The following EPHA3 variants were observed in gnomAD, a reference collection of about 807,000 sequenced individuals.
EPHA3 encodes the protein EPH receptor A3.
A neutral mutation model predicts 107.1 loss-of-function variants in EPHA3; 42 were observed. That is an observed-to-expected ratio of 0.39 (90% CI 0.31 to 0.51). The LOEUF is 0.51. Ranked by LOEUF, EPHA3 falls within the 20% of genes least tolerant of loss-of-function variation. The pLI is 0.78. For missense variants in EPHA3, 1,183 were observed against 1,211.2 expected, an observed-to-expected ratio of 0.98 and a Z score of 0.35; for synonymous variants, 461 against 424.8, an observed-to-expected ratio of 1.09 and a Z score of -1.05.
chr3:89,353,975 A>G (rs1397415534), intron 5 of EPHA3, among the ~76,000 whole-genome samples: 1 of 151,384 alleles, frequency 6.6e-6, no homozygotes, highest in Non-Finnish European at 1.5e-5. Context: ...CACTAGAAAA[A>G]GAATATTAAT....
chr3:89,118,992 A>G (rs977072738), intron 1 of EPHA3, among the ~76,000 whole-genome samples: 11 of 152,088 alleles, frequency 7.2e-5, no homozygotes, highest in African/African-American at 2.6e-4. Context: ...ATAATAATAA[A>G]TTCATAAAAA....
chr3:89,480,875 T>A lies in EPHA3; in HGVS notation c.*1373T>A, dbSNP rs887035290. On this transcript the variant is annotated 3_prime_UTR_variant, in exon 17 of 17. Transcript: ENST00000336596. ...TGAACTTCTTTGAATTTACTGGACA[T>A]AACATTTTCAGAATAGTTGGTCATC... 11 of 232,096 alleles carry A rather than the reference T, an allele frequency of 4.7e-5. No individual in the cohort carries two copies. The highest frequency in any genetic ancestry group is 3.6e-4 in the South Asian group (2 of 5,522). The allele number at this position is 232,096 out of a possible 1,614,324, so 14.4% of individuals were successfully genotyped here.
At chr3:89,279,393 T>C (rs1705888305) in intron 3 of EPHA3, among the ~76,000 whole-genome samples, 1 of 152,186 alleles carries the variant, frequency 6.6e-6, no homozygotes, top group Non-Finnish European at 1.5e-5. Flanking sequence ...GAATACATTA[T>C]ATTCATAATA....
At chr3:89,408,272 T>C in intron 9 of EPHA3, 141 bp downstream of exon 9, 1 of 754,072 alleles carries the variant, frequency 1.3e-6, no homozygotes, top group South Asian at 1.8e-5. Flanking sequence ...AAATTTATTT[T>C]AGAAAAAGAG....
Position 89,157,002 on chromosome 3 carries a change from C to T in EPHA3, c.153+29729C>T, listed in dbSNP as rs1344444605. Among the ~76,000 whole-genome samples the T allele has an allele frequency of 4.6e-5, 7 of 151,980 alleles. No individual in the cohort carries two copies. In the South Asian group the frequency reaches 8.3e-4, roughly 18 times the overall value. On this transcript the variant is annotated intron_variant, in intron 2 of 16. Coordinates refer to ENST00000336596, the MANE Select transcript of EPHA3 (RefSeq NM_005233.6). Reference sequence around the variant, plus strand: ...CACTGCATCAGTGCACAAATGAATCCGGATAATGTGGCAGAAACAAGGTGT... The same window carrying T: ...CACTGCATCAGTGCACAAATGAATCTGGATAATGTGGCAGAAACAAGGTGT...
intron 10 of EPHA3, among the ~76,000 whole-genome samples, chr3:89,418,309 A>G (rs1709286970): frequency 6.6e-6 from 1 of 151,442 alleles, no homozygotes; most frequent in African/African-American, 2.4e-5. Flanking sequence ...AGGACATTCT[A>G]TAGAACTCCC....
At chr3:89,460,767 A>G (rs1178622813) in intron 15 of EPHA3, among the ~76,000 whole-genome samples, 1 of 145,434 alleles carries the variant, frequency 6.9e-6, no homozygotes, top group African/African-American at 2.6e-5. Context: ...AATATGATAC[A>G]GAACCTTTTA....
intron 13 of EPHA3, among the ~76,000 whole-genome samples, chr3:89,435,526 A>T (rs1321475903): frequency 1.4e-5 from 2 of 146,226 alleles, no homozygotes; most frequent in African/African-American, 5.0e-5. Context: ...CTATATCTAT[A>T]TAAATACTAT....
At chr3:89,331,089 G>A (rs1261392171) in intron 3 of EPHA3, among the ~76,000 whole-genome samples, 1 of 152,102 alleles carries the variant, frequency 6.6e-6, no homozygotes, top group African/African-American at 2.4e-5. Flanking sequence ...ATATGCAGAT[G>A]TTTGCCCCAC....
At chr3:89,123,587 T>A (rs565532184) in intron 1 of EPHA3, among the ~76,000 whole-genome samples, 1 of 152,284 alleles carries the variant, frequency 6.6e-6, no homozygotes, top group African/African-American at 2.4e-5. Context: ...CTTCCCCTTC[T>A]TATGAATATA....
chr3:89,211,677 CCTCCT>C (rs1205456569), intron 3 of EPHA3, among the ~76,000 whole-genome samples: 2 of 151,492 alleles, frequency 1.3e-5, no homozygotes, highest in African/African-American at 4.8e-5. Context: ...TCCTCCTCCT[CCTCCT>C]CTCTCTCCTC....
intron 13 of EPHA3, among the ~76,000 whole-genome samples, chr3:89,435,595 T>G (rs1322162829): frequency 1.5e-5 from 2 of 131,912 alleles, no homozygotes; most frequent in Non-Finnish European, 1.5e-5. Flanking sequence ...TAAATACATC[T>G]ATATATATAT....
rs867129780 is a variant in EPHA3 at position 89,460,916 on chromosome 3, G to A, written c.2690+10546G>A. ...ATGTATACATGTGCCATGCTGGTGC[G>A]CTGCACCCACTAATGTGTCATCTAG... On this transcript the variant is annotated intron_variant, in intron 15 of 16. Transcript: ENST00000336596. 2.6e-4 allele frequency among the ~76,000 whole-genome samples: 32 copies of A among 123,240 alleles called. 1 individual carries two copies. The highest frequency in any genetic ancestry group is 1.2e-3 in the South Asian group (5 of 4,078). The allele number at this position is 123,240 out of a possible 152,430, so 80.9% of individuals were successfully genotyped here. A position where few individuals can be genotyped will look rare whatever the true frequency, so the allele number is the denominator to read the frequency against.
At chr3:89,233,310 C>T (rs1704680742) in intron 3 of EPHA3, among the ~76,000 whole-genome samples, 1 of 152,042 alleles carries the variant, frequency 6.6e-6, no homozygotes, top group Non-Finnish European at 1.5e-5. Flanking sequence ...ATAATAATGC[C>T]ATGAACTGCA....
intron 3 of EPHA3, among the ~76,000 whole-genome samples, chr3:89,281,147 T>C (rs1031987212): frequency 6.6e-6 from 1 of 151,946 alleles, no homozygotes; most frequent in Non-Finnish European, 1.5e-5. Flanking sequence ...CCTCAGCCTC[T>C]TGAGTAGCTG....
At position 89,453,066 on chromosome 3, in the gene EPHA3, TCA is replaced by T. The variant is rs1201202255; in HGVS notation, c.2690+2699_2690+2700del. On this transcript the variant is annotated intron_variant, in intron 15 of 16. Coordinates refer to ENST00000336596, the MANE Select transcript of EPHA3 (RefSeq NM_005233.6). ...TAAGGATAAATATCTATCCCAAACT[TCA>T]CAGAGACTGTATAGACTCTTAGAAA... 4.6e-5 allele frequency among the ~76,000 whole-genome samples: 7 copies of T among 152,198 alleles called. 1 individual carries two copies. The highest frequency in any genetic ancestry group is 1.7e-4 in the African/African-American group (7 of 41,538).
intron 15 of EPHA3, among the ~76,000 whole-genome samples, chr3:89,455,339 C>T (rs1710075024): frequency 6.6e-6 from 1 of 151,990 alleles, no homozygotes; most frequent in Admixed American, 6.6e-5. Flanking sequence ...ATATTCTTGG[C>T]ACAGGATTAA....
rs575408603 is a variant in EPHA3, at chr3:89,245,402, G to T, written c.814+34882G>T. 3.3e-5 allele frequency among the ~76,000 whole-genome samples: 5 copies of T among 152,028 alleles called. No individual in the cohort carries two copies. The South Asian group carries it at 1.0e-3, about 32-fold the overall frequency. On this transcript the variant is annotated intron_variant, in intron 3 of 16. Coordinates refer to ENST00000336596, the MANE Select transcript of EPHA3 (RefSeq NM_005233.6). ...GTTAATAATCTTCAAAAAGCATTAC[G>T]CTATTTTCATGTCTGTATACTAATC...
chr3:89,308,942 T>C (rs536578102), intron 3 of EPHA3, among the ~76,000 whole-genome samples: 22 of 152,278 alleles, frequency 1.4e-4, no homozygotes, highest in African/African-American at 5.3e-4. Context: ...GATTGATCAC[T>C]TCTTCCTAAC....
Sources: gnomAD v4.1 joint callset for allele counts (sites outside exome capture counted in the v4.1 genomes callset) on GRCh38, gnomAD v4.1.1 for gene constraint, MANE v1.5 for transcripts, NCBI Gene and HGNC (gene_info 2026-07-23, HGNC 2026-07-21) for gene names.